Variants in RBMS3 observed in about 807,000 individuals in gnomAD.
The protein encoded by RBMS3 is RNA-binding motif, single-stranded-interacting protein 3.
A neutral mutation model predicts 66.8 loss-of-function variants in RBMS3; 27 were observed. The observed-to-expected ratio is 0.40, with a 90% CI of 0.30 to 0.56. The LOEUF is 0.56. Ranked by LOEUF, RBMS3 falls within the 20% of genes least tolerant of loss-of-function variation. The probability of loss-of-function intolerance (pLI) is 0.40; values close to 1 mark genes in which losing one functional copy is unlikely to be tolerated. For synonymous variants in RBMS3, 188 were observed against 183.0 expected (o/e 1.03, Z -0.22); for missense variants, 513 against 549.5 (o/e 0.93, Z 0.66).
rs1349025693 is a variant in RBMS3, at chr3:29,959,631, A to G, written c.1098+15377A>G. Among the ~76,000 whole-genome samples the G allele has an allele frequency of 3.9e-5, 6 of 152,136 alleles. No homozygotes were observed. The East Asian group carries it at 1.2e-3, about 29-fold the overall frequency. Reference sequence around the variant, plus strand: ...CATTTTCATGATGCTGCGAAGAATTACTCAAGACTGAGTAATGTGTAAAGG... The same window carrying G: ...CATTTTCATGATGCTGCGAAGAATTGCTCAAGACTGAGTAATGTGTAAAGG... On this transcript the variant is annotated intron_variant, in intron 12 of 14. Coordinates refer to ENST00000383767, the MANE Select transcript of RBMS3 (RefSeq NM_001003793.3).
chr3:29,837,860 T>C (rs940898553), intron 6 of RBMS3, among the ~76,000 whole-genome samples: 27 of 151,262 alleles, frequency 1.8e-4, no homozygotes, highest in Middle Eastern at 3.2e-3. Context: ...TTCTAAGTTA[T>C]AAACACAGAA....
chr3:29,502,776 T>A (rs758633170), intron 3 of RBMS3, among the ~76,000 whole-genome samples: 2 of 152,176 alleles, frequency 1.3e-5, no homozygotes, highest in Non-Finnish European at 2.9e-5. Context: ...GAGCTGCAGT[T>A]AAATAAATTT....
chr3:29,709,339 C>T (rs1266476101), intron 4 of RBMS3, among the ~76,000 whole-genome samples: 1 of 152,180 alleles, frequency 6.6e-6, no homozygotes, highest in Admixed American at 6.5e-5. Context: ...TCACGGCTGA[C>T]ATTAAAAGTG....
chr3:29,978,847 A>T (rs931028853), intron 12 of RBMS3, among the ~76,000 whole-genome samples: 2 of 152,126 alleles, frequency 1.3e-5, no homozygotes, highest in Non-Finnish European at 2.9e-5. Context: ...GGTCAGAAGA[A>T]CTGGGGGCTG....
chr3:29,586,314 G>A (rs2047519503), intron 3 of RBMS3, among the ~76,000 whole-genome samples: 3 of 152,014 alleles, frequency 2.0e-5, no homozygotes, highest in South Asian at 2.1e-4. Context: ...CATTGATGCC[G>A]TTTTACTATT....
At chr3:29,983,239 CT>C (rs576048110) in intron 12 of RBMS3, among the ~76,000 whole-genome samples, 343 of 136,018 alleles carry the variant, frequency 2.5e-3, no homozygotes, top group African/African-American at 4.3e-3. Context: ...CCCCCGCCCC[CT>C]TTTTTTTTTT....
chr3:29,520,766 T>G (rs1458371078), intron 3 of RBMS3, among the ~76,000 whole-genome samples: 3 of 152,182 alleles, frequency 2.0e-5, no homozygotes, highest in African/African-American at 4.8e-5. Flanking sequence ...TAAAAATACA[T>G]GTAGTATTTC....
rs1699884062 is a variant in RBMS3 at position 30,009,039 on chromosome 3, G to A, written c.*5177G>A. 6.6e-6 allele frequency: 1 copy of A among 151,976 alleles called. No individual in the cohort carries two copies. Among genetic ancestry groups the A allele is most frequent in the South Asian group, 2.1e-4 (1 of 4,828 alleles). The allele number at this position is 151,976 out of a possible 1,614,324, so 9.4% of individuals were successfully genotyped here. A position where few individuals can be genotyped will look rare whatever the true frequency, so the allele number is the denominator to read the frequency against. Reference sequence around the variant, plus strand: ...ATTCATTTCTGTTTATTTTTGTGAGGGAAAATAATATATCAAGAAAATTTT... The same window carrying A: ...ATTCATTTCTGTTTATTTTTGTGAGAGAAAATAATATATCAAGAAAATTTT... On this transcript the variant is annotated 3_prime_UTR_variant, in exon 15 of 15. Coordinates refer to ENST00000383767, the MANE Select transcript of RBMS3 (RefSeq NM_001003793.3).
At chr3:29,524,602 A>ATTTT (rs1273815210) in intron 3 of RBMS3, among the ~76,000 whole-genome samples, 5,689 of 148,090 alleles carry the variant, frequency 0.038, 166 homozygotes, top group South Asian at 0.084. Flanking sequence ...CAACTTTTGC[A>ATTTT]TTTTATTTAT....
chr3:29,466,909 C>A (rs1394399393), intron 2 of RBMS3, among the ~76,000 whole-genome samples: 1 of 151,992 alleles, frequency 6.6e-6, no homozygotes, highest in African/African-American at 2.4e-5. Context: ...ATTGATGGTG[C>A]CAGTGAAATT....
intron 1 of RBMS3, among the ~76,000 whole-genome samples, chr3:29,295,574 A>G (rs550149949): frequency 6.9e-4 from 104 of 151,422 alleles, no homozygotes; most frequent in African/African-American, 2.5e-3. Flanking sequence ...ACAGAATTCT[A>G]TATGCTCTTG....
At position 29,928,966 on chromosome 3, in the gene RBMS3, G is replaced by C. The variant is rs2061031647; in HGVS notation, c.940-7120G>C. Among the ~76,000 whole-genome samples the C allele has an allele frequency of 3.3e-5, 5 of 152,138 alleles. No individual in the cohort carries two copies. In the South Asian group the frequency reaches 1.0e-3, roughly 31 times the overall value. ...TCACCCTTTGTCATTGAAGCTCTAA[G>C]GTCCTTCTGAAGTGGCCTGGGATCT... is the stretch of plus-strand genomic sequence containing the variant. On this transcript the variant is annotated intron_variant, in intron 10 of 14. Coordinates refer to ENST00000383767, the MANE Select transcript of RBMS3 (RefSeq NM_001003793.3).
chr3:29,965,966 C>T (rs1484373749), intron 12 of RBMS3, among the ~76,000 whole-genome samples: 1 of 152,154 alleles, frequency 6.6e-6, no homozygotes, highest in South Asian at 2.1e-4. Flanking sequence ...TATCCCAGCA[C>T]CATTTGTTGA....
intron 12 of RBMS3, among the ~76,000 whole-genome samples, chr3:29,947,997 G>A (rs529634768): frequency 4.0e-5 from 6 of 151,320 alleles, no homozygotes; most frequent in Admixed American, 6.6e-5. Context: ...AAAGAAAAAC[G>A]GGGCCTGAAA....
At chr3:29,725,136 T>C (rs1168352036) in intron 4 of RBMS3, among the ~76,000 whole-genome samples, 1 of 152,194 alleles carries the variant, frequency 6.6e-6, no homozygotes, top group Non-Finnish European at 1.5e-5. Context: ...TTTGTTCAGG[T>C]GAGCTACTTA....
At chr3:29,676,219 G>A (rs1426810645) in intron 4 of RBMS3, among the ~76,000 whole-genome samples, 1 of 152,126 alleles carries the variant, frequency 6.6e-6, no homozygotes, top group East Asian at 1.9e-4. Flanking sequence ...GGTGGGAACT[G>A]AACAATGAGA....
chr3:29,589,238 C>A (rs141158343), intron 4 of RBMS3, among the ~76,000 whole-genome samples: 1 of 152,090 alleles, frequency 6.6e-6, no homozygotes, highest in Non-Finnish European at 1.5e-5. Context: ...CACTCCCCCG[C>A]ACCCTCTGAC....
At chr3:29,467,870 A>G (rs1031594239) in intron 2 of RBMS3, among the ~76,000 whole-genome samples, 1 of 152,232 alleles carries the variant, frequency 6.6e-6, no homozygotes, top group Non-Finnish European at 1.5e-5. Flanking sequence ...ATGGAAATAC[A>G]AAGCTAAATT....
At position 29,584,095 on chromosome 3, in the gene RBMS3, A is replaced by G. The variant is rs78161822; in HGVS notation, c.308-3019A>G. Among the ~76,000 whole-genome samples, 692 of 152,244 alleles carry G rather than the reference A, an allele frequency of 4.5e-3. 4 individuals carry two copies. Among genetic ancestry groups the G allele is most frequent in the Non-Finnish European group, 6.1e-3 (415 of 67,994 alleles). On this transcript the variant is annotated intron_variant, in intron 3 of 14. Coordinates refer to ENST00000383767, the MANE Select transcript of RBMS3 (RefSeq NM_001003793.3). ...TCTTCAACTACTCCAGCAGACTTCA[A>G]TCCCCATCACTTGCCTAAAGCAAAT...
Sources: allele counts gnomAD v4.1 joint callset (sites outside exome capture counted in the v4.1 genomes callset), GRCh38; gene constraint gnomAD v4.1.1; transcripts MANE v1.5; gene names NCBI Gene and HGNC (gene_info 2026-07-23, HGNC 2026-07-21).